PRELID2: variants seen among roughly 807,000 people sequenced by gnomAD.
PRELID2 encodes PRELI domain containing 2, also known as PRELI domain-containing protein 2.
PRELID2 carries 25 observed loss-of-function variants against 28.4 expected under a neutral mutation model. The ratio of observed to expected loss-of-function variants is 0.88; its 90% confidence interval spans 0.64 to 1.23. The LOEUF (loss-of-function observed/expected upper bound fraction) is 1.23. Ranked by LOEUF, PRELID2 falls within the 50% of genes most tolerant of loss-of-function variation. The pLI is 0.00. For missense variants in PRELID2, 201 were observed against 214.4 expected (o/e 0.94, Z 0.39); for synonymous variants, 76 against 71.6 (o/e 1.06, Z -0.31).
the PRELID2 span, among the ~76,000 whole-genome samples, chr5:145,277,035 G>A: frequency 0.011 from 1,630 of 152,162 alleles, 13 homozygotes; most frequent in South Asian, 0.024. Context: ...TTTTATGAAT[G>A]ATGCCACAGA....
At chr5:145,628,883 T>C (rs181322758) in intron 1 of PRELID2, among the ~76,000 whole-genome samples, 2 of 152,134 alleles carry the variant, frequency 1.3e-5, no homozygotes, top group Admixed American at 6.6e-5. Flanking sequence ...GCAGAATGAG[T>C]GGACTTCCTT....
chr5:145,266,077 C>A, the PRELID2 span, among the ~76,000 whole-genome samples: 2 of 152,126 alleles, frequency 1.3e-5, no homozygotes, highest in African/African-American at 4.8e-5. Flanking sequence ...CAACAAAGGA[C>A]TAACATCCAG....
intron 1 of PRELID2, among the ~76,000 whole-genome samples, chr5:145,534,782 C>T (rs756153186): frequency 3.4e-4 from 52 of 151,886 alleles, no homozygotes; most frequent in Non-Finnish European, 6.9e-4. Flanking sequence ...AATGGTTGAA[C>T]ATCTAACAAC....
At chr5:145,792,689 G>T (rs1023890284) in intron 5 of PRELID2, among the ~76,000 whole-genome samples, 2 of 151,978 alleles carry the variant, frequency 1.3e-5, no homozygotes, top group African/African-American at 4.8e-5. Context: ...AAATCTAGTT[G>T]TCTAGACTGT....
At chr5:145,542,599 T>C (rs1020644102) in intron 1 of PRELID2, among the ~76,000 whole-genome samples, 2 of 152,114 alleles carry the variant, frequency 1.3e-5, no homozygotes, top group African/African-American at 4.8e-5. Context: ...CTAAGGATCA[T>C]ATGAGGAATG....
the PRELID2 span, among the ~76,000 whole-genome samples, chr5:145,258,005 C>G: frequency 6.6e-6 from 1 of 152,152 alleles, no homozygotes; most frequent in South Asian, 2.1e-4. Context: ...GCACATCCCC[C>G]TTCACTCTCT....
At chr5:145,411,684 G>T in the PRELID2 span, among the ~76,000 whole-genome samples, 1 of 152,146 alleles carries the variant, frequency 6.6e-6, no homozygotes, top group Non-Finnish European at 1.5e-5. Context: ...GCTCTACTAG[G>T]CAGTGCTCCA....
At chr5:145,440,790 T>C in the PRELID2 span, 1 of 152,032 alleles carries the variant, frequency 6.6e-6, no homozygotes, top group African/African-American at 2.4e-5. Context: ...TCTGTATCAA[T>C]TATGTTTTAT....
At chr5:145,325,119 A>T in the PRELID2 span, among the ~76,000 whole-genome samples, 1 of 156 alleles carries the variant, frequency 6.4e-3, no homozygotes, top group Non-Finnish European at 0.01. Flanking sequence ...GTTTAATTTT[A>T]AACTTTTAAA....
chr5:145,773,561 T>A (rs146806876), intron 5 of PRELID2, among the ~76,000 whole-genome samples: 1 of 152,236 alleles, frequency 6.6e-6, no homozygotes, highest in African/African-American at 2.4e-5. Context: ...CCTCCATTCA[T>A]GGGAAGCATA....
intron 1 of PRELID2, among the ~76,000 whole-genome samples, chr5:145,505,300 CA>C (rs768926293): frequency 6.9e-4 from 105 of 152,222 alleles, no homozygotes; most frequent in Non-Finnish European, 1.3e-3. Flanking sequence ...TGGTTTCTTA[CA>C]AATTAGAAAA....
At chr5:145,736,816 C>T (rs1412554556) in intron 1 of PRELID2, among the ~76,000 whole-genome samples, 1 of 152,126 alleles carries the variant, frequency 6.6e-6, no homozygotes. Context: ...ATAGGAGATG[C>T]TCAATCGTTG....
chr5:145,622,546 T>C (rs1753786943), intron 1 of PRELID2, among the ~76,000 whole-genome samples: 1 of 152,108 alleles, frequency 6.6e-6, no homozygotes, highest in South Asian at 2.1e-4. Context: ...GAGATAATAA[T>C]AATATTTATT....
At chr5:145,298,570 G>A in the PRELID2 span, among the ~76,000 whole-genome samples, 1 of 152,088 alleles carries the variant, frequency 6.6e-6, no homozygotes, top group Non-Finnish European at 1.5e-5. Flanking sequence ...TGGGATTACT[G>A]CCATCATAAA....
intron 1 of PRELID2, among the ~76,000 whole-genome samples, chr5:145,573,394 A>G (rs1202750212): frequency 6.6e-6 from 1 of 151,548 alleles, no homozygotes; most frequent in African/African-American, 2.4e-5. Context: ...GGTTTCTTAT[A>G]TAGGTATACA....
In PRELID2 at chr5:145,638,192, G is replaced by A. The variant is rs937321609; in HGVS notation, n.70+126739C>T. ...GATATTGGTACTACTACTACTACCA[G>A]TACTATTAATACAACCACTGTGATT... On this transcript the variant is annotated intron_variant and non_coding_transcript_variant, in intron 1 of 2. Transcript: ENST00000510259. Among the ~76,000 whole-genome samples the A allele has an allele frequency of 1.4e-4, 21 of 152,116 alleles. 1 individual carries two copies. The highest frequency in any genetic ancestry group is 4.8e-4 in the African/African-American group (20 of 41,418).
the PRELID2 span, among the ~76,000 whole-genome samples, chr5:145,329,869 G>A: frequency 4.6e-5 from 7 of 152,284 alleles, no homozygotes; most frequent in African/African-American, 1.7e-4. Context: ...GTTTTTAAAG[G>A]GAATGCTTCC....
At chr5:145,331,163 T>C in the PRELID2 span, among the ~76,000 whole-genome samples, 3 of 152,228 alleles carry the variant, frequency 2.0e-5, no homozygotes, top group East Asian at 1.9e-4. Flanking sequence ...TTCCATTCTT[T>C]TGCATTCACT....
chr5:145,424,044 G>C, the PRELID2 span, among the ~76,000 whole-genome samples: 1 of 147,972 alleles, frequency 6.8e-6, no homozygotes, highest in Non-Finnish European at 1.5e-5. Context: ...CAGTTAGGCT[G>C]CTCGGGGGTC....
Sources: allele counts gnomAD v4.1 joint callset (sites outside exome capture counted in the v4.1 genomes callset), GRCh38; gene constraint gnomAD v4.1.1; transcripts MANE v1.5; gene names NCBI Gene and HGNC (gene_info 2026-07-23, HGNC 2026-07-21).